DLD: variants seen among roughly 807,000 people sequenced by gnomAD.
DLD encodes the protein dihydrolipoamide dehydrogenase.
Under a neutral mutation model 62.2 loss-of-function variants are expected in DLD, and 36 were observed. The ratio of observed to expected loss-of-function variants is 0.58; its 90% CI spans 0.44 to 0.76. DLD has a LOEUF of 0.76. DLD is among the 30% of genes least tolerant of loss of function. DLD has a pLI of 0.00. For missense variants in DLD, 541 were observed against 608.6 expected, an observed-to-expected ratio of 0.89 and a Z score of 1.17; for synonymous variants, 204 against 199.6, an observed-to-expected ratio of 1.02 and a Z score of -0.19.
chr7:107,912,606 T>A (rs1248742097), intron 8 of DLD, among the ~76,000 whole-genome samples: 2 of 152,214 alleles, frequency 1.3e-5, no homozygotes, highest in Non-Finnish European at 2.9e-5. Context: ...TTCATACATG[T>A]ATTGGCTATT....
Position 107,905,007 on chromosome 7 carries a change from T to A in DLD, c.387T>A (p.Thr129=), listed in dbSNP as rs748122031. 2.5e-6 allele frequency: 4 copies of A among 1,613,278 alleles called. No individual in the cohort carries two copies. The East Asian group carries it at 8.9e-5, about 36-fold the overall frequency. ...ACAAGATGATGGAGCAGAAGAGTAC[T>A]GCAGTAAAAGCTTTAACAGGTGGAA... ...NLDKMMEQKS[T]AVKALTGGIA... The change falls in exon 6 of 14, where the codon ACT becomes ACA. Residue 129 remains threonine, a synonymous_variant. Transcript: ENST00000205402.
chr7:107,897,504 A>G (rs2031756103), intron 2 of DLD, among the ~76,000 whole-genome samples: 1 of 152,042 alleles, frequency 6.6e-6, no homozygotes, highest in Non-Finnish European at 1.5e-5. Flanking sequence ...TACATAAGAC[A>G]GTACACGTGA....
intron 2 of DLD, among the ~76,000 whole-genome samples, chr7:107,899,367 TA>T (rs201660164): frequency 6.7e-6 from 1 of 149,332 alleles, no homozygotes; most frequent in Non-Finnish European, 1.5e-5. Context: ...TTCTGAAGTT[TA>T]AAAAAAAACA....
At chr7:107,907,686 T>C (rs922031324) in intron 8 of DLD, among the ~76,000 whole-genome samples, 4 of 152,222 alleles carry the variant, frequency 2.6e-5, no homozygotes, top group Admixed American at 6.5e-5. Flanking sequence ...TTTTCAGTCT[T>C]CAAACTCCTT....
At chr7:107,902,152 A>G (rs867172238) in intron 3 of DLD, among the ~76,000 whole-genome samples, 173 bp from the exon 4 acceptor site, 2 of 151,710 alleles carry the variant, frequency 1.3e-5, no homozygotes, top group African/African-American at 4.8e-5. Flanking sequence ...GGGTCAGCCC[A>G]AAAGTGTTTA....
rs770831196 is a variant in DLD, at chr7:107,917,888, G to C, written c.1237-36G>C. On this transcript the variant is annotated intron_variant, in intron 11 of 13. Coordinates refer to ENST00000205402, the MANE Select transcript of DLD (RefSeq NM_000108.5). ...TTACAAATTGGAAAGAACTTTTCTG[G>C]CAGTTACGTAGATTCTTTTTTTCTG... 2.0e-5 allele frequency: 32 copies of C among 1,613,406 alleles called. No homozygotes were observed. In the East Asian group the frequency reaches 7.1e-4, roughly 36 times the overall value.
intron 5 of DLD, chr7:107,903,795 G>T: frequency 2.9e-6 from 1 of 340,724 alleles, no homozygotes; most frequent in African/African-American, 2.1e-5. Context: ...CTGTTCCTTT[G>T]CCAACTTTTT....
chr7:107,900,563 T>G (rs2031852816), intron 2 of DLD, among the ~76,000 whole-genome samples: 1 of 152,142 alleles, frequency 6.6e-6, no homozygotes, highest in Non-Finnish European at 1.5e-5. Flanking sequence ...GCTTGATTAT[T>G]GCTCTCTGGA....
intron 2 of DLD, among the ~76,000 whole-genome samples, chr7:107,895,549 A>G (rs1325124666): frequency 6.6e-6 from 1 of 152,204 alleles, no homozygotes; most frequent in Non-Finnish European, 1.5e-5. Context: ...ATTTCGACAA[A>G]TACTAATATC....
At chr7:107,891,476 A>T (rs2031571928) in intron 1 of DLD, 187 bp downstream of exon 1, 1 of 677,908 alleles carries the variant, frequency 1.5e-6, no homozygotes, top group African/African-American at 1.8e-5. Context: ...ATCCTGCAGC[A>T]GGCGAGGGAC....
chr7:107,918,814 G>C (rs991187143), intron 12 of DLD, among the ~76,000 whole-genome samples, 196 bp from the exon 13 acceptor site: 2 of 152,182 alleles, frequency 1.3e-5, no homozygotes, highest in African/African-American at 4.8e-5. Flanking sequence ...GATATGAATT[G>C]AAGGCCCTTT....
chr7:107,906,161 A>G lies in DLD; in HGVS notation c.583-106A>G, dbSNP rs569594995. 4.1e-5 allele frequency: 28 copies of G among 676,742 alleles called. No individual in the cohort carries two copies. In the South Asian group the frequency reaches 4.3e-4, roughly 10 times the overall value. 41.9% of individuals were successfully genotyped at this position (676,742 alleles called of 1,614,324 possible). ...TCAATTTTTTTCCTGAATATTTTCA[A>G]TTAATGGTTGGTTAAATCTGCAAAT... is the stretch of plus-strand genomic sequence containing the variant. On this transcript the variant is annotated intron_variant, in intron 7 of 13. Coordinates refer to ENST00000205402, the MANE Select transcript of DLD (RefSeq NM_000108.5).
In DLD at chr7:107,919,301, G is replaced by C; in HGVS notation, c.*42G>C. The C allele has an allele frequency of 2.7e-6, 4 of 1,502,582 alleles. No homozygotes were observed. In the South Asian group the frequency reaches 4.6e-5, roughly 17 times the overall value. 93.1% of individuals were successfully genotyped at this position (1,502,582 alleles called of 1,614,324 possible). ...TATTTTTTTCTGAAATTTCCTGGGA[G>C]CTTTTGTAGAAGTCACATTCCTGAA... On this transcript the variant is annotated 3_prime_UTR_variant, in exon 14 of 14. Transcript: ENST00000205402.
rs763878786 is a variant in DLD at position 107,916,923 on chromosome 7, T to C, written c.1005T>C (p.Gly335=). 1 of 1,613,848 alleles carries C rather than the reference T, an allele frequency of 6.2e-7. No homozygotes were observed. Among genetic ancestry groups the C allele is most frequent in the South Asian group, 1.1e-5 (1 of 91,068 alleles). ...TGGGAATTGAACTAGATCCCAGAGG[T>C]AGAATTCCAGTCAATACCAGATTTC... is the stretch of plus-strand genomic sequence containing the variant. ...EELGIELDPR[G]RIPVNTRFQT... Residue 335 remains glycine (G), a synonymous_variant, in exon 10 of 14, where the codon GGT becomes GGC. Transcript: ENST00000205402.
chr7:107,893,780 C>T (rs554914951), intron 2 of DLD, among the ~76,000 whole-genome samples: 1 of 152,104 alleles, frequency 6.6e-6, no homozygotes, highest in Non-Finnish European at 1.5e-5. Flanking sequence ...AATGTAAAGT[C>T]GGAGAGGTAG....
intron 4 of DLD, among the ~76,000 whole-genome samples, chr7:107,903,165 G>A (rs371898775): frequency 6.6e-6 from 1 of 152,150 alleles, no homozygotes; most frequent in Non-Finnish European, 1.5e-5. Flanking sequence ...TTGGGAGGCC[G>A]AGGCGGGTGG....
chr7:107,900,019 C>T lies in DLD; in HGVS notation c.119-1719C>T, dbSNP rs188754866. Among the ~76,000 whole-genome samples, 523 of 151,542 alleles carry T rather than the reference C, an allele frequency of 3.5e-3. 1 individual carries two copies. The highest frequency in any genetic ancestry group is 5.4e-3 in the Non-Finnish European group (367 of 67,870). On this transcript the variant is annotated intron_variant, in intron 2 of 13. Coordinates refer to ENST00000205402, the MANE Select transcript of DLD (RefSeq NM_000108.5). ...TTTTATTAGATACTTAATTCTGAAC[C>T]GAAATCAGTGAACCAAGCAGGGTGG...
At position 107,915,485 on chromosome 7, in the gene DLD, GT is replaced by G. The variant is rs759170630; in HGVS notation, c.685-14del. ...CTATAGAAACTTTTATGATTATTGG[GT>G]TTTTTTAATTTATTTGCAGGGTTCA... On this transcript the variant is annotated intron_variant, in intron 8 of 13. Transcript: ENST00000205402. 4 of 1,612,490 alleles carry G rather than the reference GT, an allele frequency of 2.5e-6. No homozygotes were observed. Among genetic ancestry groups the G allele is most frequent in the Non-Finnish European group, 2.5e-6 (3 of 1,179,076 alleles).
Position 107,915,524 on chromosome 7 carries a change from C to T in DLD, c.703C>T (p.Leu235Phe), listed in dbSNP as rs2032246165. 1.2e-6 allele frequency: 2 copies of T among 1,613,722 alleles called. No homozygotes were observed. Among genetic ancestry groups the T allele is most frequent in the South Asian group, 2.2e-5 (2 of 91,074 alleles). Reference protein sequence around the residue: ...GVELGSVWQRLGADVTAVEFL... With the variant: ...GVELGSVWQRFGADVTAVEFL... The stretch of plus-strand genomic sequence containing the variant: ...TTTGCAGGGTTCAGTTTGGCAAAGA[C>T]TTGGTGCAGATGTGACAGCAGTTGA... The change falls in exon 9 of 14, where the codon CTT becomes TTT. Residue 235 changes from leucine to phenylalanine, a missense_variant. Coordinates refer to ENST00000205402, the MANE Select transcript of DLD (RefSeq NM_000108.5).
Sources: gnomAD v4.1 joint callset for allele counts (sites outside exome capture counted in the v4.1 genomes callset) on GRCh38, gnomAD v4.1.1 for gene constraint, MANE v1.5 for transcripts, NCBI Gene and HGNC (gene_info 2026-07-23, HGNC 2026-07-21) for gene names.